Variants in LINGO2 observed in about 807,000 individuals in gnomAD.
The protein encoded by LINGO2 is leucine-rich repeat and immunoglobulin-like domain-containing nogo receptor-interacting protein 2.
A neutral mutation model predicts 30.6 loss-of-function variants in LINGO2; 14 were observed. That is an observed-to-expected ratio of 0.46 (90% CI 0.30 to 0.72). LINGO2 has a LOEUF of 0.72. Ranked by LOEUF, LINGO2 falls within the 30% of genes least tolerant of loss-of-function variation. The pLI, the probability that LINGO2 is intolerant of heterozygous loss-of-function variation, is 0.07. For synonymous variants in LINGO2, 317 were observed against 288.5 expected, an observed-to-expected ratio of 1.10 and a Z score of -1.00; for missense variants, 729 against 751.7, an observed-to-expected ratio of 0.97 and a Z score of 0.35.
chr9:28,132,067 AT>A (rs1827393230), intron 4 of LINGO2, among the ~76,000 whole-genome samples: 1 of 152,190 alleles, frequency 6.6e-6, no homozygotes, highest in South Asian at 2.1e-4. Context: ...TAAAAGTAGT[AT>A]AATTATACTT....
intron 4 of LINGO2, among the ~76,000 whole-genome samples, chr9:28,032,773 A>G (rs571507654): frequency 9.8e-5 from 15 of 152,312 alleles, no homozygotes; most frequent in Middle Eastern, 3.4e-3. Flanking sequence ...TCACCCCATG[A>G]CAATGGACAC....
the LINGO2 span, among the ~76,000 whole-genome samples, chr9:29,079,202 A>C: frequency 6.6e-6 from 1 of 151,968 alleles, no homozygotes; most frequent in East Asian, 1.9e-4. Context: ...CAAGCACCAC[A>C]TAAATTCTTT....
chr9:28,455,161 T>C (rs951153031), intron 2 of LINGO2, among the ~76,000 whole-genome samples: 1 of 151,952 alleles, frequency 6.6e-6, no homozygotes, highest in South Asian at 2.1e-4. Flanking sequence ...ACATAGAATA[T>C]GAGTTGTAGG....
chr9:28,197,254 A>C (rs532799537), intron 4 of LINGO2, among the ~76,000 whole-genome samples: 1 of 152,164 alleles, frequency 6.6e-6, no homozygotes, highest in South Asian at 2.1e-4. Context: ...TAAAGTTTAC[A>C]TGAAAAATAT....
At chr9:28,202,539 G>GTAATTCTGTTCCCTCACCCCGTCCCCCCC in intron 4 of LINGO2, among the ~76,000 whole-genome samples, 1 of 152,186 alleles carries the variant, frequency 6.6e-6, no homozygotes, top group African/African-American at 2.4e-5. Context: ...GGAGGTGGCT[G>GTAATTCTGTTCCCTCACCCCGTCCCCCCC]TAATTCTGTT....
intron 1 of LINGO2, among the ~76,000 whole-genome samples, chr9:28,576,467 T>C (rs1159318087): frequency 6.6e-6 from 1 of 152,200 alleles, no homozygotes; most frequent in African/African-American, 2.4e-5. Flanking sequence ...AGTAATGTAA[T>C]TTTGAATAAA....
At chr9:28,959,612 T>TCTCACACACACACACA in the LINGO2 span, among the ~76,000 whole-genome samples, 19 of 132,222 alleles carry the variant, frequency 1.4e-4, no homozygotes, top group East Asian at 8.8e-4. Flanking sequence ...TCTCTCTCCC[T>TCTCACACACACACACA]CACACACACA....
At chr9:28,810,134 A>G in the LINGO2 span, among the ~76,000 whole-genome samples, 2 of 56,504 alleles carry the variant, frequency 3.5e-5, no homozygotes, top group East Asian at 1.8e-3. Flanking sequence ...CATGAAAGGA[A>G]AATTAAGAAA....
At chr9:28,677,816 G>T in the LINGO2 span, among the ~76,000 whole-genome samples, 1 of 152,068 alleles carries the variant, frequency 6.6e-6, no homozygotes, top group African/African-American at 2.4e-5. Context: ...ATTCAGGATA[G>T]TAATTCTAAT....
downstream of LINGO2, among the ~76,000 whole-genome samples, chr9:27,946,156 G>A (rs1197968467): frequency 6.6e-6 from 1 of 152,062 alleles, no homozygotes. Context: ...ATATAAATTA[G>A]TGAAGCCTGA....
chr9:28,696,724 G>A, the LINGO2 span, among the ~76,000 whole-genome samples: 3 of 151,884 alleles, frequency 2.0e-5, no homozygotes, highest in African/African-American at 4.8e-5. Context: ...AAAGGTTATT[G>A]TATACAAGGA....
chr9:28,576,794 T>C (rs909908456), intron 1 of LINGO2, among the ~76,000 whole-genome samples: 3 of 152,180 alleles, frequency 2.0e-5, no homozygotes, highest in African/African-American at 7.2e-5. Context: ...GAGATTTTGG[T>C]GTACCCTTAA....
chr9:27,945,781 A>G (rs1057114965), downstream of LINGO2, among the ~76,000 whole-genome samples: 3 of 152,146 alleles, frequency 2.0e-5, no homozygotes, highest in Non-Finnish European at 4.4e-5. Context: ...TGGATACCAG[A>G]GCTTTGCACG....
At chr9:28,020,882 C>CT (rs534994986) in intron 4 of LINGO2, among the ~76,000 whole-genome samples, 10 of 151,364 alleles carry the variant, frequency 6.6e-5, no homozygotes, top group African/African-American at 2.4e-4. Context: ...GTAATGACCC[C>CT]TCTCTCTCAT....
At chr9:28,700,111 T>A in the LINGO2 span, among the ~76,000 whole-genome samples, 65 of 152,078 alleles carry the variant, frequency 4.3e-4, no homozygotes, top group Non-Finnish European at 6.5e-4. Context: ...CCTGCTGGTT[T>A]TGTGGCTCAG....
chr9:27,987,901 T>A (rs948182382), intron 5 of LINGO2, among the ~76,000 whole-genome samples: 1 of 152,010 alleles, frequency 6.6e-6, no homozygotes, highest in African/African-American at 2.4e-5. Flanking sequence ...ATGTGCACAA[T>A]GTGCAGGTTT....
chr9:28,980,664 CTT>C, the LINGO2 span, among the ~76,000 whole-genome samples: 2 of 152,140 alleles, frequency 1.3e-5, no homozygotes, highest in African/African-American at 4.8e-5. Flanking sequence ...TCTCTCTTCT[CTT>C]TAACTATTTG....
intron 4 of LINGO2, among the ~76,000 whole-genome samples, chr9:28,050,001 T>C (rs1824598079): frequency 6.6e-6 from 1 of 150,702 alleles, no homozygotes; most frequent in Admixed American, 6.7e-5. Context: ...TTAATAGTTC[T>C]GGAGACAGTG....
intron 4 of LINGO2, among the ~76,000 whole-genome samples, chr9:28,042,305 C>G (rs1824230869): frequency 6.6e-6 from 1 of 152,200 alleles, no homozygotes; most frequent in African/African-American, 2.4e-5. Context: ...ACCCCTACAA[C>G]TTGCTCCCTT....
Sources: allele counts gnomAD v4.1 joint callset (sites outside exome capture counted in the v4.1 genomes callset), GRCh38; gene constraint gnomAD v4.1.1; transcripts MANE v1.5; gene names NCBI Gene and HGNC (gene_info 2026-07-23, HGNC 2026-07-21).